SV2C: variants seen among roughly 807,000 people sequenced by gnomAD.
SV2C encodes the protein solute carrier family 22 member B3.
SV2C carries 49 observed loss-of-function variants against 79.7 expected under a neutral mutation model. The observed-to-expected ratio is 0.61, with a 90% CI of 0.49 to 0.78. The LOEUF is 0.78. Among genes scored for constraint, SV2C ranks in the 30% least tolerant of loss-of-function variants. SV2C has a pLI of 0.00. For missense variants in SV2C, 833 were observed against 912.9 expected, an observed-to-expected ratio of 0.91 and a Z score of 1.13; for synonymous variants, 334 against 333.2, an observed-to-expected ratio of 1.00 and a Z score of -0.03.
the SV2C span, among the ~76,000 whole-genome samples, chr5:76,012,948 T>C: frequency 9.2e-5 from 14 of 152,304 alleles, no homozygotes; most frequent in East Asian, 2.7e-3. Context: ...GCCTCTGTTC[T>C]GTTCTTTTGG....
At chr5:76,337,988 G>C (rs1749359977), downstream of SV2C, among the ~76,000 whole-genome samples, 1 of 152,292 alleles carries the variant, frequency 6.6e-6, no homozygotes, top group African/African-American at 2.4e-5. Context: ...GTGGCTCCAA[G>C]GGGAGCCAGG....
At chr5:76,334,286 C>T (rs977052150), downstream of SV2C, among the ~76,000 whole-genome samples, 1 of 152,112 alleles carries the variant, frequency 6.6e-6, no homozygotes, top group Admixed American at 6.5e-5. Flanking sequence ...CTGCTTGGAA[C>T]AGTGGTTTAA....
At chr5:76,298,132 C>A (rs1042234744) in intron 9 of SV2C, among the ~76,000 whole-genome samples, 1 of 152,118 alleles carries the variant, frequency 6.6e-6, no homozygotes, top group Non-Finnish European at 1.5e-5. Context: ...CTTCATGTTT[C>A]CAAAAATAAG....
chr5:76,071,590 T>C, the SV2C span, among the ~76,000 whole-genome samples: 13 of 152,216 alleles, frequency 8.5e-5, no homozygotes, highest in African/African-American at 2.9e-4. Flanking sequence ...TTAACACTCA[T>C]TGTGTTGCTG....
the SV2C span, among the ~76,000 whole-genome samples, chr5:75,892,810 T>C: frequency 6.6e-6 from 1 of 152,010 alleles, no homozygotes; most frequent in Non-Finnish European, 1.5e-5. Context: ...AAGTGTTCTT[T>C]ATCCAATCCA....
At chr5:75,907,586 G>A in the SV2C span, among the ~76,000 whole-genome samples, 1 of 152,142 alleles carries the variant, frequency 6.6e-6, no homozygotes, top group South Asian at 2.1e-4. Flanking sequence ...TTGGGTAAAT[G>A]GGAAACATCA....
intron 2 of SV2C, among the ~76,000 whole-genome samples, chr5:76,139,703 C>G (rs1309651864): frequency 6.2e-4 from 94 of 152,212 alleles, no homozygotes; most frequent in African/African-American, 2.1e-3. Flanking sequence ...ACTAGGTTTT[C>G]TTTAAAACAT....
At chr5:75,947,633 G>A in the SV2C span, among the ~76,000 whole-genome samples, 1 of 152,024 alleles carries the variant, frequency 6.6e-6, no homozygotes, top group African/African-American at 2.4e-5. Context: ...TTCACCAGTG[G>A]CAGCCACAGC....
At chr5:76,205,516 A>G (rs1039116755) in intron 3 of SV2C, among the ~76,000 whole-genome samples, 1 of 152,152 alleles carries the variant, frequency 6.6e-6, no homozygotes, top group East Asian at 1.9e-4. Flanking sequence ...TACTGAGAAA[A>G]ATTCTTTATA....
At chr5:76,016,274 T>C in the SV2C span, among the ~76,000 whole-genome samples, 1 of 29,728 alleles carries the variant, frequency 3.4e-5, no homozygotes, top group African/African-American at 1.3e-4. Flanking sequence ...AAAAAAAAGC[T>C]GTGCAATTCT....
the SV2C span, among the ~76,000 whole-genome samples, chr5:75,892,489 T>A: frequency 6.6e-6 from 1 of 152,052 alleles, no homozygotes; most frequent in Non-Finnish European, 1.5e-5. Flanking sequence ...TACATGGGTA[T>A]ATTGCATGAT....
the SV2C span, among the ~76,000 whole-genome samples, chr5:75,915,841 C>G: frequency 6.6e-6 from 1 of 152,194 alleles, no homozygotes; most frequent in Admixed American, 6.5e-5. Flanking sequence ...TTGATGTGGG[C>G]CTTGAAGAGG....
the SV2C span, among the ~76,000 whole-genome samples, chr5:75,919,869 T>C: frequency 6.6e-6 from 1 of 152,194 alleles, no homozygotes; most frequent in Non-Finnish European, 1.5e-5. Context: ...CTCTGCCAAA[T>C]TCTGTATTTC....
At chr5:76,043,584 C>T in the SV2C span, among the ~76,000 whole-genome samples, 1 of 152,220 alleles carries the variant, frequency 6.6e-6, no homozygotes, top group Non-Finnish European at 1.5e-5. Flanking sequence ...CTCCCAACCC[C>T]ATTCCACCTC....
the SV2C span, among the ~76,000 whole-genome samples, chr5:75,899,638 G>A: frequency 9.9e-5 from 15 of 152,052 alleles, no homozygotes; most frequent in African/African-American, 2.9e-4. Context: ...TTTCTGTCTC[G>A]TTGATCTGTC....
chr5:76,226,426 C>A (rs1745246623), intron 4 of SV2C, among the ~76,000 whole-genome samples: 1 of 152,018 alleles, frequency 6.6e-6, no homozygotes, highest in African/African-American at 2.4e-5. Context: ...TATTAAAGCC[C>A]AGTTTGGCCA....
chr5:75,904,374 C>T, the SV2C span, among the ~76,000 whole-genome samples: 1 of 136,876 alleles, frequency 7.3e-6, no homozygotes, highest in African/African-American at 3.1e-5. Flanking sequence ...CTCAAAAAAA[C>T]AAAACAAAAC....
At chr5:76,075,491 G>A in the SV2C span, 5 of 159,606 alleles carry the variant, frequency 3.1e-5, no homozygotes, top group Non-Finnish European at 6.9e-5. Flanking sequence ...TGAGGGGGTC[G>A]GAGCTCTGGG....
At chr5:76,041,119 G>A in the SV2C span, among the ~76,000 whole-genome samples, 2 of 152,112 alleles carry the variant, frequency 1.3e-5, no homozygotes, top group East Asian at 3.9e-4. Context: ...GCCCATTCTT[G>A]TGGGGCTTGA....
Sources: gnomAD v4.1 joint callset for allele counts (sites outside exome capture counted in the v4.1 genomes callset) on GRCh38, gnomAD v4.1.1 for gene constraint, MANE v1.5 for transcripts, NCBI Gene and HGNC (gene_info 2026-07-23, HGNC 2026-07-21) for gene names.